CCDC171: variants seen among roughly 807,000 people sequenced by gnomAD.
The protein encoded by CCDC171 is coiled-coil domain containing 171.
A neutral mutation model predicts 168.2 loss-of-function variants in CCDC171; 177 were observed. The observed-to-expected ratio is 1.05, with a 90% CI of 0.93 to 1.19. The LOEUF is 1.19. Ranked by LOEUF, CCDC171 falls within the 50% of genes most tolerant of loss-of-function variation. CCDC171 has a pLI of 0.00. For missense variants in CCDC171, 1,991 were observed against 1,539.0 expected, an observed-to-expected ratio of 1.29 and a Z score of -4.91; for synonymous variants, 687 against 540.8, an observed-to-expected ratio of 1.27 and a Z score of -3.75.
chr9:16,100,977 C>A, the CCDC171 span, among the ~76,000 whole-genome samples: 3 of 152,322 alleles, frequency 2.0e-5, no homozygotes, highest in African/African-American at 7.2e-5. Flanking sequence ...TGGCCTGTTG[C>A]TGCACACAGC....
chr9:15,627,730 A>T (rs1490212844), intron 7 of CCDC171, among the ~76,000 whole-genome samples: 1 of 152,160 alleles, frequency 6.6e-6, no homozygotes, highest in Non-Finnish European at 1.5e-5. Flanking sequence ...GGAGTGCTTC[A>T]CTTCCAACTT....
intron 21 of CCDC171, among the ~76,000 whole-genome samples, chr9:15,812,960 G>T (rs2059419551): frequency 6.6e-6 from 1 of 152,188 alleles, no homozygotes; most frequent in Non-Finnish European, 1.5e-5. Flanking sequence ...ACTATCAGAT[G>T]ATCCTAGATT....
At chr9:15,682,173 CTT>C (rs1297590381) in intron 10 of CCDC171, among the ~76,000 whole-genome samples, 1 of 151,986 alleles carries the variant, frequency 6.6e-6, no homozygotes, top group Non-Finnish European at 1.5e-5. Context: ...GATACAAAGA[CTT>C]GAGCAAATTT....
At chr9:15,594,594 C>T (rs1379794005) in intron 6 of CCDC171, among the ~76,000 whole-genome samples, 1 of 152,026 alleles carries the variant, frequency 6.6e-6, no homozygotes, top group Non-Finnish European at 1.5e-5. Context: ...TTCCTCCACC[C>T]CTGAAATACG....
chr9:15,853,439 T>G (rs1022708805), intron 23 of CCDC171, among the ~76,000 whole-genome samples: 3 of 151,668 alleles, frequency 2.0e-5, no homozygotes, highest in Non-Finnish European at 3.0e-5. Context: ...TTTTTGTATG[T>G]TCATCTTTTC....
chr9:15,765,657 G>A (rs757734148), intron 18 of CCDC171, among the ~76,000 whole-genome samples: 5 of 152,212 alleles, frequency 3.3e-5, no homozygotes. Flanking sequence ...TTGAGAAGCG[G>A]AGAAAATGAG....
chr9:15,990,599 C>G (rs1251699175), intron 3 of CCDC171, among the ~76,000 whole-genome samples: 1 of 152,144 alleles, frequency 6.6e-6, no homozygotes. Context: ...TGTAAATGGG[C>G]TAAATGCTCC....
At chr9:15,676,626 A>G (rs756394889) in intron 9 of CCDC171, among the ~76,000 whole-genome samples, 32 of 151,800 alleles carry the variant, frequency 2.1e-4, no homozygotes, top group Middle Eastern at 6.8e-3. Flanking sequence ...ATTCTCTTGT[A>G]TTTTGGATCT....
chr9:15,564,899 A>G (rs1301196952), intron 2 of CCDC171, among the ~76,000 whole-genome samples: 1 of 152,188 alleles, frequency 6.6e-6, no homozygotes, highest in Non-Finnish European at 1.5e-5. Context: ...AAAATAATGC[A>G]TTAAATGTAT....
intron 10 of CCDC171, among the ~76,000 whole-genome samples, chr9:15,683,117 G>T (rs1383078734): frequency 6.6e-6 from 1 of 151,968 alleles, no homozygotes; most frequent in African/African-American, 2.4e-5. Context: ...GTAATATTTA[G>T]TTACAGCTCT....
At chr9:15,587,076 A>G (rs1390525655) in intron 4 of CCDC171, among the ~76,000 whole-genome samples, 5 of 152,134 alleles carry the variant, frequency 3.3e-5, no homozygotes, top group Admixed American at 2.0e-4. Context: ...GCCTCCCAAA[A>G]TGCTGGGATT....
chr9:15,654,603 A>C (rs2047777259), intron 7 of CCDC171, among the ~76,000 whole-genome samples: 1 of 152,194 alleles, frequency 6.6e-6, no homozygotes, highest in Admixed American at 6.5e-5. Context: ...AACAAAAAGA[A>C]ATGGTGGGAG....
chr9:16,105,920 C>T, the CCDC171 span, among the ~76,000 whole-genome samples: 3 of 152,196 alleles, frequency 2.0e-5, no homozygotes, highest in Non-Finnish European at 4.4e-5. Flanking sequence ...TTTACAGATT[C>T]TTCTGGCCAA....
In CCDC171 at chr9:15,623,475, G is replaced by GCGCGCGCGCGCACGCGCGCACACA; in HGVS notation, c.822+63_822+64insGCGCGCGCGCACGCGCGCACACAC. ...CAAACTTTCACATATGCGCGCGCGC[G>GCGCGCGCGCGCACGCGCGCACACA]CACACACACACACACACACACACAC... On this transcript the variant is annotated intron_variant, in intron 7 of 25. Coordinates refer to ENST00000380701, the MANE Select transcript of CCDC171 (RefSeq NM_173550.4). 253 of 315,434 alleles carry GCGCGCGCGCGCACGCGCGCACACA rather than the reference G, an allele frequency of 8.0e-4. 1 individual carries two copies. The highest frequency in any genetic ancestry group is 8.7e-4 in the Middle Eastern group (1 of 1,156). The allele number at this position is 315,434 out of a possible 1,614,324, so 19.5% of individuals were successfully genotyped here. A position where few individuals can be genotyped will look rare whatever the true frequency, so the allele number is the denominator to read the frequency against.
intron 23 of CCDC171, among the ~76,000 whole-genome samples, chr9:15,854,688 T>A (rs2130868010): frequency 6.6e-6 from 1 of 151,834 alleles, no homozygotes; most frequent in Non-Finnish European, 1.5e-5. Context: ...GTTAGGTTAT[T>A]GATTTGAGAT....
At chr9:15,889,158 A>C (rs1036233349) in intron 24 of CCDC171, 2 of 151,232 alleles carry the variant, frequency 1.3e-5, no homozygotes, top group Non-Finnish European at 2.9e-5. Context: ...ACAGAGTTTT[A>C]CTGTGTTGGC....
chr9:15,563,793 C>G (rs2039505858), intron 1 of CCDC171, among the ~76,000 whole-genome samples, 185 bp from the exon 2 acceptor site: 1 of 152,184 alleles, frequency 6.6e-6, no homozygotes, highest in Non-Finnish European at 1.5e-5. Flanking sequence ...GAGATACAGT[C>G]TCCATCTCAG....
intron 21 of CCDC171, among the ~76,000 whole-genome samples, chr9:15,836,908 C>A (rs1174506855): frequency 6.6e-6 from 1 of 152,194 alleles, no homozygotes; most frequent in Admixed American, 6.5e-5. Context: ...ATAATAAAAT[C>A]TACTGCGGTA....
At chr9:15,876,002 TC>T (rs1448123519) in intron 24 of CCDC171, 1 of 152,098 alleles carries the variant, frequency 6.6e-6, no homozygotes, top group Non-Finnish European at 1.5e-5. Flanking sequence ...TGTAAAATAA[TC>T]CTTTACTTGG....
Sources: gnomAD v4.1 joint callset for allele counts (sites outside exome capture counted in the v4.1 genomes callset) on GRCh38, gnomAD v4.1.1 for gene constraint, MANE v1.5 for transcripts, NCBI Gene and HGNC (gene_info 2026-07-23, HGNC 2026-07-21) for gene names.